MIB1: variants seen among roughly 807,000 people sequenced by gnomAD.
The protein encoded by MIB1 is MIB E3 ubiquitin protein ligase 1.
In MIB1, 278 loss-of-function variants were observed where a neutral mutation model predicts 124.5. The observed-to-expected ratio is 2.23, with a 90% CI of 2.02 to 2.47. MIB1 has a LOEUF of 2.47. Ranked by LOEUF, MIB1 falls within the 30% of genes most tolerant of loss-of-function variation. The pLI is 0.00. For missense variants in MIB1, 957 were observed against 1,254.4 expected (o/e 0.76, Z 3.58); for synonymous variants, 446 against 429.4 (o/e 1.04, Z -0.48).
At chr18:21,860,380 C>T (rs9961485) in intron 20 of MIB1, among the ~76,000 whole-genome samples, 127,906 of 151,958 alleles carry the variant, frequency 0.84, 54,533 homozygotes, top group South Asian at 0.91. Context: ...AGATTACAGG[C>T]GTGAGTCACT....
intron 6 of MIB1, among the ~76,000 whole-genome samples, chr18:21,784,895 C>G (rs117207547): frequency 1.4e-4 from 22 of 152,138 alleles, no homozygotes; most frequent in African/African-American, 5.1e-4. Flanking sequence ...CAGGCCCGCC[C>G]GCAGCCATCC....
At chr18:21,809,536 A>G (rs1751488966) in intron 10 of MIB1, among the ~76,000 whole-genome samples, 2 of 152,086 alleles carry the variant, frequency 1.3e-5, no homozygotes, top group Admixed American at 6.5e-5. Flanking sequence ...CAGCAGCATG[A>G]TAAAGGGATT....
chr18:21,712,568 C>A (rs2040670586), intron 1 of MIB1, among the ~76,000 whole-genome samples: 1 of 152,170 alleles, frequency 6.6e-6, no homozygotes, highest in Non-Finnish European at 1.5e-5. Flanking sequence ...GGGTGGCCTC[C>A]ATCAGACAAC....
At chr18:21,785,276 A>G (rs970197124) in intron 6 of MIB1, among the ~76,000 whole-genome samples, 2 of 149,338 alleles carry the variant, frequency 1.3e-5, no homozygotes, top group African/African-American at 5.0e-5. Context: ...TGGGGCCGCT[A>G]CCGGTCTCCG....
chr18:21,864,378 A>G (rs949569847), intron 20 of MIB1, 148 bp from the exon 21 acceptor site: 6 of 597,090 alleles, frequency 1.0e-5, no homozygotes, highest in Non-Finnish European at 1.7e-5. Flanking sequence ...TGACATTTTA[A>G]CTATTTAAAA....
At chr18:21,757,118 T>C (rs538592330) in intron 1 of MIB1, among the ~76,000 whole-genome samples, 12 of 152,136 alleles carry the variant, frequency 7.9e-5, no homozygotes, top group Non-Finnish European at 1.5e-5. Flanking sequence ...TGGAAGTAGA[T>C]GGTGTGGTGG....
chr18:21,713,826 T>G (rs1268625296), intron 1 of MIB1, among the ~76,000 whole-genome samples: 1 of 150,954 alleles, frequency 6.6e-6, no homozygotes, highest in Non-Finnish European at 1.5e-5. Flanking sequence ...CTTGAACTCC[T>G]GACCTCAAGT....
At chr18:21,731,454 C>T (rs1452131015) in intron 1 of MIB1, among the ~76,000 whole-genome samples, 1 of 152,114 alleles carries the variant, frequency 6.6e-6, no homozygotes, top group African/African-American at 2.4e-5. Flanking sequence ...ATAAAGCTGG[C>T]CAGGCGCGGT....
intron 1 of MIB1, among the ~76,000 whole-genome samples, chr18:21,720,167 TAGA>T (rs746209122): frequency 1.4e-4 from 21 of 152,326 alleles, no homozygotes; most frequent in African/African-American, 4.3e-4. Context: ...TTCTTCTGCA[TAGA>T]AGAATTCCAG....
At chr18:21,745,589 G>A (rs2040902369) in intron 1 of MIB1, among the ~76,000 whole-genome samples, 1 of 152,042 alleles carries the variant, frequency 6.6e-6, no homozygotes, top group African/African-American at 2.4e-5. Context: ...TGGAGAGCAC[G>A]ATTGGTGGAA....
rs760339856 is a variant in MIB1 at position 21,838,401 on chromosome 18, A to G, written c.1866A>G (p.Pro622=). Residue 622 remains proline, a synonymous_variant, in exon 13 of 21, where the codon CCA becomes CCG. Coordinates refer to ENST00000261537, the MANE Select transcript of MIB1 (RefSeq NM_020774.4). ...MRVLLSKLPR[P]WIVDEKKDDG... is the part of the protein sequence containing the mutation. ...TTTTACTATCTAAATTACCAAGACCATGGATTGTGGATGAGAAGAAAGATG... is the reference window on the plus strand; with the variant it reads ...TTTTACTATCTAAATTACCAAGACCGTGGATTGTGGATGAGAAGAAAGATG... 6.2e-7 allele frequency: 1 copy of G among 1,608,014 alleles called. No homozygotes were observed. The highest frequency in any genetic ancestry group is 8.5e-7 in the Non-Finnish European group (1 of 1,175,892).
chr18:21,867,991 A>G lies in MIB1; in HGVS notation c.*3325A>G, dbSNP rs1485672546. ...AGGATCATACAGATGTCATCAAATT[A>G]TAGGCTTTAATACAGGTTGCTTTTT... On this transcript the variant is annotated 3_prime_UTR_variant, in exon 21 of 21. Transcript: ENST00000261537. 6.6e-6 allele frequency: 1 copy of G among 152,102 alleles called. No homozygotes were observed. Among genetic ancestry groups the G allele is most frequent in the Non-Finnish European group, 1.5e-5 (1 of 67,940 alleles). 9.4% of individuals were successfully genotyped at this position (152,102 alleles called of 1,614,324 possible).
At chr18:21,745,312 A>G (rs745555675) in intron 1 of MIB1, among the ~76,000 whole-genome samples, 3 of 152,164 alleles carry the variant, frequency 2.0e-5, no homozygotes, top group Non-Finnish European at 2.9e-5. Context: ...TTTGAATTGG[A>G]TAGGATAATT....
chr18:21,725,720 CTT>C (rs1000595497), intron 1 of MIB1, among the ~76,000 whole-genome samples: 1 of 151,450 alleles, frequency 6.6e-6, no homozygotes. Context: ...CAAAGACACA[CTT>C]TGTGTAAGAT....
intron 12 of MIB1, among the ~76,000 whole-genome samples, chr18:21,835,710 C>T (rs558876079): frequency 6.7e-6 from 1 of 149,216 alleles, no homozygotes; most frequent in South Asian, 2.1e-4. Context: ...GTGGAGGTTG[C>T]AGTGAGCCGA....
intron 1 of MIB1, among the ~76,000 whole-genome samples, chr18:21,721,412 C>T (rs1285888432): frequency 6.6e-6 from 1 of 151,886 alleles, no homozygotes; most frequent in African/African-American, 2.4e-5. Context: ...AACTCCCGAT[C>T]TCAAGTGATC....
chr18:21,722,050 C>T (rs1018886130), intron 1 of MIB1, among the ~76,000 whole-genome samples: 2 of 150,912 alleles, frequency 1.3e-5, no homozygotes, highest in Admixed American at 6.6e-5. Context: ...TTAATCTTTC[C>T]GTGTGTGTGT....
chr18:21,819,487 A>C lies in MIB1; in HGVS notation c.1678-8A>C. The stretch of plus-strand genomic sequence containing the variant: ...GAAGAACTAATGAAAATTTCTTTAA[A>C]CTTAAAGGATTCTGAAGGTGATACC... On this transcript the variant is annotated splice_region_variant and splice_polypyrimidine_tract_variant and intron_variant, in intron 11 of 20. Transcript: ENST00000261537. 1.3e-6 allele frequency: 2 copies of C among 1,576,244 alleles called. No individual in the cohort carries two copies. Among genetic ancestry groups the C allele is most frequent in the Non-Finnish European group, 1.7e-6 (2 of 1,155,214 alleles).
At chr18:21,860,948 A>G (rs569689573) in intron 20 of MIB1, among the ~76,000 whole-genome samples, 1 of 152,284 alleles carries the variant, frequency 6.6e-6, no homozygotes, top group Non-Finnish European at 1.5e-5. Flanking sequence ...CTGAGGCAGG[A>G]GGATGACTGG....
Sources: gnomAD v4.1 joint callset for allele counts (sites outside exome capture counted in the v4.1 genomes callset) on GRCh38, gnomAD v4.1.1 for gene constraint, MANE v1.5 for transcripts, NCBI Gene and HGNC (gene_info 2026-07-23, HGNC 2026-07-21) for gene names.